PVT1: variants seen among roughly 807,000 people sequenced by gnomAD.
PVT1 encodes the protein CXCR4/PVT1 fusion.
At chr8:127,811,036 C>T (rs529528302) in intron 2 of PVT1, among the ~76,000 whole-genome samples, 1 of 152,242 alleles carries the variant, frequency 6.6e-6, no homozygotes, top group Non-Finnish European at 1.5e-5. Context: ...ACAACCACAC[C>T]AGGCGGGCCT....
chr8:127,874,098 G>A (rs920888405), intron 2 of PVT1, among the ~76,000 whole-genome samples: 7 of 152,246 alleles, frequency 4.6e-5, no homozygotes, highest in South Asian at 2.1e-4. Flanking sequence ...AATTTGGGGC[G>A]AGGGTTATGG....
chr8:128,015,771 C>A (rs1370134450), intron 4 of PVT1, among the ~76,000 whole-genome samples: 604 of 95,574 alleles, frequency 6.3e-3, no homozygotes, highest in South Asian at 7.1e-3. Flanking sequence ...GACTTTGTCT[C>A]AAAAAAAAAA....
chr8:127,884,805 C>T lies in PVT1; in HGVS notation n.373-5784C>T, dbSNP rs529944901. Among the ~76,000 whole-genome samples the T allele has an allele frequency of 5.0e-4, 76 of 152,254 alleles. No homozygotes were observed. In the South Asian group the frequency reaches 0.015, roughly 30 times the overall value. On this transcript the variant is annotated intron_variant and non_coding_transcript_variant, in intron 2 of 10. Transcript: ENST00000651587. ...GCCACACATTGTGTACTTTTGCAGGCGGAGGGCGAGGTGCAGCCACCTTCT... is the reference window on the plus strand; with the variant it reads ...GCCACACATTGTGTACTTTTGCAGGTGGAGGGCGAGGTGCAGCCACCTTCT...
intron 2 of PVT1, among the ~76,000 whole-genome samples, chr8:127,822,161 T>G (rs1203520876): frequency 6.6e-6 from 1 of 152,258 alleles, no homozygotes; most frequent in Non-Finnish European, 1.5e-5. Flanking sequence ...CTGGCCCGTT[T>G]TAAGAGCTCA....
At chr8:128,034,392 A>G (rs1429497543) in intron 4 of PVT1, among the ~76,000 whole-genome samples, 3 of 152,024 alleles carry the variant, frequency 2.0e-5, no homozygotes, top group Non-Finnish European at 2.9e-5. Flanking sequence ...GACTGTTCTC[A>G]CCACCTGGGT....
intron 2 of PVT1, among the ~76,000 whole-genome samples, chr8:127,889,751 C>A (rs141748590): frequency 6.6e-6 from 1 of 152,170 alleles, no homozygotes; most frequent in African/African-American, 2.4e-5. Context: ...GTTGTTTGTT[C>A]CTCCACTGCT....
chr8:128,067,946 ACT>A (rs1394249912), intron 4 of PVT1, among the ~76,000 whole-genome samples: 1 of 108,598 alleles, frequency 9.2e-6, no homozygotes, highest in Non-Finnish European at 1.9e-5. Context: ...GGACTAACAT[ACT>A]TTGTGTTTTT....
At chr8:128,043,860 G>T (rs1399495237) in intron 4 of PVT1, among the ~76,000 whole-genome samples, 2 of 143,574 alleles carry the variant, frequency 1.4e-5, no homozygotes, top group African/African-American at 5.3e-5. Flanking sequence ...TAAAGACAGG[G>T]TCTTGCTCTG....
intron 4 of PVT1, among the ~76,000 whole-genome samples, chr8:128,058,378 ATGTGTGTGTGTG>A (rs3041914): frequency 6.8e-6 from 1 of 146,578 alleles, no homozygotes; most frequent in Non-Finnish European, 1.5e-5. Context: ...AAACTGATGC[ATGTGTGTGTGTG>A]TGTGTGTGTG....
At chr8:128,081,519 C>T (rs1448574713) in intron 5 of PVT1, among the ~76,000 whole-genome samples, 1 of 152,170 alleles carries the variant, frequency 6.6e-6, no homozygotes, top group Admixed American at 6.5e-5. Context: ...ATGTCACTAA[C>T]ATGATTAATC....
chr8:127,915,662 A>G (rs1251956169), intron 3 of PVT1, among the ~76,000 whole-genome samples: 1 of 150,716 alleles, frequency 6.6e-6, no homozygotes, highest in East Asian at 2.0e-4. Context: ...TATGTCTGGC[A>G]CTTAAACTGG....
At chr8:128,012,457 A>ATT in intron 4 of PVT1, among the ~76,000 whole-genome samples, 2 of 152,302 alleles carry the variant, frequency 1.3e-5, no homozygotes, top group East Asian at 3.9e-4. Context: ...AAATGAGAAA[A>ATT]TGGAGGCTTC....
At chr8:127,990,787 C>T (rs942165349) in intron 4 of PVT1, among the ~76,000 whole-genome samples, 3 of 152,190 alleles carry the variant, frequency 2.0e-5, no homozygotes, top group African/African-American at 7.2e-5. Flanking sequence ...GAGCATGAGG[C>T]CTTGCCCTTC....
intron 2 of PVT1, among the ~76,000 whole-genome samples, chr8:127,868,322 A>C (rs1254965296): frequency 6.6e-6 from 1 of 152,106 alleles, no homozygotes; most frequent in Non-Finnish European, 1.5e-5. Flanking sequence ...AACAGTGTTC[A>C]TTTCCAGAAT....
At chr8:127,925,736 G>C (rs1043967757) in intron 3 of PVT1, among the ~76,000 whole-genome samples, 19 of 152,084 alleles carry the variant, frequency 1.2e-4, no homozygotes, top group African/African-American at 4.6e-4. Flanking sequence ...CTGCCTCCTG[G>C]GTTCAAGCGA....
intron 2 of PVT1, among the ~76,000 whole-genome samples, chr8:127,860,005 G>A (rs560667794): frequency 6.6e-5 from 10 of 152,240 alleles, no homozygotes; most frequent in South Asian, 2.1e-4. Flanking sequence ...ATCAAGCCCC[G>A]TGAACACCTC....
chr8:128,035,726 A>G (rs1813454352), intron 4 of PVT1, among the ~76,000 whole-genome samples: 1 of 152,246 alleles, frequency 6.6e-6, no homozygotes, highest in African/African-American at 2.4e-5. Flanking sequence ...AATCACAAAT[A>G]GTTACTTATT....
intron 3 of PVT1, among the ~76,000 whole-genome samples, chr8:127,972,161 G>T (rs950843868): frequency 6.6e-6 from 1 of 152,254 alleles, no homozygotes; most frequent in Non-Finnish European, 1.5e-5. Context: ...CAAGCTGCAT[G>T]CTGGGGCGAA....
intron 3 of PVT1, among the ~76,000 whole-genome samples, chr8:127,987,569 C>T (rs1816983884): frequency 6.6e-6 from 1 of 152,200 alleles, no homozygotes; most frequent in Admixed American, 6.5e-5. Context: ...CTTATAATAT[C>T]CAGAGACAAG....
Sources: allele counts gnomAD v4.1 joint callset (sites outside exome capture counted in the v4.1 genomes callset), GRCh38; gene constraint gnomAD v4.1.1; transcripts MANE v1.5; gene names NCBI Gene and HGNC (gene_info 2026-07-23, HGNC 2026-07-21).